Variants in LRRC69 observed in about 807,000 individuals in gnomAD.
The protein encoded by LRRC69 is leucine rich repeat containing 69, also known as leucine-rich repeat-containing protein 69.
Under a neutral mutation model 37.8 loss-of-function variants are expected in LRRC69, and 42 were observed. The observed-to-expected ratio is 1.11, with a 90% CI of 0.87 to 1.44. The LOEUF is 1.44. Ranked by LOEUF, LRRC69 falls within the 40% of genes most tolerant of loss-of-function variation. LRRC69 has a pLI of 0.00. For missense variants in LRRC69, 357 were observed against 401.9 expected (o/e 0.89, Z 0.96); for synonymous variants, 141 against 143.1 (o/e 0.99, Z 0.11).
chr8:91,198,183 A>G (rs1427097896), intron 6 of LRRC69, among the ~76,000 whole-genome samples: 1 of 152,174 alleles, frequency 6.6e-6, no homozygotes. Flanking sequence ...TTATAGAAAA[A>G]TATTAGCGGG....
chr8:91,102,737 A>G (rs766456291), exon 1 of LRRC69: 5 of 1,551,754 alleles, frequency 3.2e-6, no homozygotes, highest in African/African-American at 2.7e-5. Context: ...TGGGAAGAAG[A>G]TGACAAAGAT....
At chr8:91,108,777 T>C (rs1563591758) in intron 1 of LRRC69, among the ~76,000 whole-genome samples, 1 of 151,988 alleles carries the variant, frequency 6.6e-6, no homozygotes, top group Non-Finnish European at 1.5e-5. Context: ...AGTATTAGTG[T>C]ATTTCATGTG....
chr8:91,160,781 G>T (rs1808925643), intron 5 of LRRC69, among the ~76,000 whole-genome samples: 3 of 151,158 alleles, frequency 2.0e-5, no homozygotes, highest in Admixed American at 6.6e-5. Flanking sequence ...TTATAGCAGT[G>T]TGAGAATGGA....
At chr8:91,158,732 T>G (rs1808884001) in intron 5 of LRRC69, 2 of 975,402 alleles carry the variant, frequency 2.1e-6, no homozygotes, top group Admixed American at 3.4e-5. Flanking sequence ...TTCTACAAAA[T>G]GAAGACACCA....
At chr8:91,212,782 C>T (rs1359466555) in intron 7 of LRRC69, among the ~76,000 whole-genome samples, 1 of 152,122 alleles carries the variant, frequency 6.6e-6, no homozygotes, top group Non-Finnish European at 1.5e-5. Context: ...GAAAGCATCA[C>T]ATTTCTAATT....
intron 5 of LRRC69, among the ~76,000 whole-genome samples, chr8:91,162,316 T>G (rs1482362409): frequency 6.6e-6 from 1 of 151,460 alleles, no homozygotes; most frequent in African/African-American, 2.4e-5. Flanking sequence ...ATTGATTTTC[T>G]GTCTGGATAC....
rs192387509 is a variant in LRRC69, at chr8:91,142,094, C to G, written c.651+6355C>G. Among the ~76,000 whole-genome samples the G allele has an allele frequency of 1.8e-4, 27 of 151,986 alleles. No individual in the cohort carries two copies. The East Asian group carries it at 5.0e-3, about 28-fold the overall frequency. On this transcript the variant is annotated intron_variant, in intron 5 of 7. Transcript: ENST00000448384. ...TTATTTTAATCTTTTAGTCACAGGT[C>G]TTCTTTCTCTAGCTCCTCTTTCCCT...
intron 7 of LRRC69, among the ~76,000 whole-genome samples, chr8:91,217,529 GC>G (rs552890374): frequency 5.9e-4 from 90 of 152,236 alleles, no homozygotes; most frequent in African/African-American, 2.2e-3. Flanking sequence ...GAACTGTCTT[GC>G]CTTATGTGCT....
chr8:91,162,442 G>A (rs1273640231), intron 5 of LRRC69, among the ~76,000 whole-genome samples: 3 of 151,390 alleles, frequency 2.0e-5, no homozygotes, highest in Non-Finnish European at 4.4e-5. Flanking sequence ...CCAGTGTTGG[G>A]TGCATATACA....
chr8:91,143,163 A>T (rs921767572), intron 5 of LRRC69, among the ~76,000 whole-genome samples: 6 of 152,176 alleles, frequency 3.9e-5, no homozygotes, highest in Admixed American at 1.3e-4. Context: ...AATTGGAGAG[A>T]TTTTTTAGCA....
At position 91,200,717 on chromosome 8, in the gene LRRC69, A is replaced by T. The variant is rs1287545298; in HGVS notation, c.858A>T (p.Gly286=). The stretch of plus-strand genomic sequence containing the variant: ...AAGTCAGGAGCATGATCTCTCAGGG[A>T]AAAACATGTGCAATATGTGGACAGT... The change falls in exon 7 of 8, where the codon GGA becomes GGT. Residue 286 remains glycine (G), a synonymous_variant. Transcript: ENST00000448384. The T allele has an allele frequency of 3.9e-6, 6 of 1,536,530 alleles. No homozygotes were observed. The South Asian group carries it at 5.0e-5, about 13-fold the overall frequency.
chr8:91,207,909 T>C (rs868191284), intron 7 of LRRC69, among the ~76,000 whole-genome samples: 16 of 152,158 alleles, frequency 1.1e-4, no homozygotes, highest in African/African-American at 3.9e-4. Flanking sequence ...TTATTAACAA[T>C]TCTGGAGGCT....
intron 1 of LRRC69, among the ~76,000 whole-genome samples, chr8:91,122,383 C>CCATCATAAAAGATT (rs1404603577): frequency 6.6e-6 from 1 of 151,882 alleles, no homozygotes; most frequent in Non-Finnish European, 1.5e-5. Flanking sequence ...TGGTTACTGC[C>CCATCATAAAAGATT]CATCATAAAA....
intron 5 of LRRC69, among the ~76,000 whole-genome samples, chr8:91,144,606 A>T (rs781541664): frequency 3.3e-5 from 5 of 151,922 alleles, no homozygotes; most frequent in Non-Finnish European, 7.4e-5. Context: ...CTCGTTGCCT[A>T]CTACTTATCC....
At chr8:91,103,992 C>T (rs961715420) in intron 1 of LRRC69, among the ~76,000 whole-genome samples, 16 of 152,038 alleles carry the variant, frequency 1.1e-4, no homozygotes, top group African/African-American at 3.8e-4. Flanking sequence ...TATCCCACTT[C>T]CCCTCATCCT....
chr8:91,114,536 T>C (rs1297280336), intron 1 of LRRC69, among the ~76,000 whole-genome samples: 3 of 152,040 alleles, frequency 2.0e-5, no homozygotes, highest in Non-Finnish European at 2.9e-5. Context: ...TATATGACAG[T>C]GGTCCCATAA....
intron 5 of LRRC69, among the ~76,000 whole-genome samples, chr8:91,166,593 T>C (rs891163388): frequency 1.3e-5 from 2 of 151,360 alleles, no homozygotes; most frequent in African/African-American, 4.8e-5. Context: ...TAATTTATAT[T>C]CCTTGATCAA....
intron 1 of LRRC69, among the ~76,000 whole-genome samples, chr8:91,108,123 A>G (rs980585857): frequency 2.0e-5 from 3 of 152,042 alleles, no homozygotes; most frequent in Admixed American, 1.3e-4. Context: ...GCAGCTGACC[A>G]GGACAAAGAT....
chr8:91,189,293 A>G (rs1809453487), intron 5 of LRRC69, among the ~76,000 whole-genome samples: 1 of 152,178 alleles, frequency 6.6e-6, no homozygotes, highest in East Asian at 1.9e-4. Flanking sequence ...AGTGACCCCT[A>G]AGGTCATGGC....
Sources: gnomAD v4.1 joint callset for allele counts (sites outside exome capture counted in the v4.1 genomes callset) on GRCh38, gnomAD v4.1.1 for gene constraint, MANE v1.5 for transcripts, NCBI Gene and HGNC (gene_info 2026-07-23, HGNC 2026-07-21) for gene names.